Variants in NRBP1 observed in about 807,000 individuals in gnomAD.
NRBP1 encodes the protein nuclear receptor-binding protein.
A neutral mutation model predicts 76.0 loss-of-function variants in NRBP1; 10 were observed. The ratio of observed to expected loss-of-function variants is 0.13; its 90% CI spans 0.08 to 0.22. The LOEUF is 0.22. Ranked by LOEUF, NRBP1 falls within the 10% of genes least tolerant of loss-of-function variation. The probability of loss-of-function intolerance (pLI) is 1.00; values close to 1 mark genes in which losing one functional copy is unlikely to be tolerated. For synonymous variants in NRBP1, 235 were observed against 240.2 expected (o/e 0.98, Z 0.20); for missense variants, 344 against 646.0 (o/e 0.53, Z 5.07).
At position 27,433,240 on chromosome 2, in the gene NRBP1, C is replaced by A; in HGVS notation, c.-20-14C>A. On this transcript the variant is annotated splice_polypyrimidine_tract_variant and intron_variant, in intron 1 of 17. Coordinates refer to ENST00000379852, the MANE Select transcript of NRBP1 (RefSeq NM_013392.4). ...CTCTGCCTTTTCCCTCTGTATTTGC[C>A]CCAACCAGTGCAGGCCTGAGTGTTC... 2 of 1,576,320 alleles carry A rather than the reference C, an allele frequency of 1.3e-6. No homozygotes were observed. The highest frequency in any genetic ancestry group is 2.2e-5 in the South Asian group (2 of 90,282).
chr2:27,428,948 T>G (rs1663985724), intron 1 of NRBP1, among the ~76,000 whole-genome samples: 1 of 146,098 alleles, frequency 6.8e-6, no homozygotes, highest in African/African-American at 2.5e-5. Flanking sequence ...GTCTCTGGCT[T>G]GGCGGCGGCG....
intron 1 of NRBP1, among the ~76,000 whole-genome samples, chr2:27,431,431 G>C (rs999901437): frequency 2.6e-5 from 4 of 152,204 alleles, no homozygotes; most frequent in Non-Finnish European, 4.4e-5. Context: ...ATTTGTGGCT[G>C]CTTGAATGTG....
At chr2:27,436,891 T>C (rs780068419) in intron 8 of NRBP1, 55 bp downstream of exon 8, 22 of 1,515,776 alleles carry the variant, frequency 1.5e-5, no homozygotes, top group African/African-American at 1.4e-4. Flanking sequence ...TTGCACCTTA[T>C]AACTTGAGGT....
intron 7 of NRBP1, chr2:27,435,900 C>T (rs1439113214): frequency 6.0e-6 from 4 of 667,364 alleles, no homozygotes; most frequent in Non-Finnish European, 1.1e-5. Flanking sequence ...CAGCCCTCCG[C>T]CTGCTTGCCC....
chr2:27,441,183 A>G lies in NRBP1; in HGVS notation c.1383+3A>G. On this transcript the variant is annotated splice_donor_region_variant and intron_variant, in intron 15 of 17. Transcript: ENST00000379852. ...TGGAGGAGGGAGTCAAACACCACGTAAGGCTCAGGGCTAGGGTTGCGCAGG... is the reference window on the plus strand; with the variant it reads ...TGGAGGAGGGAGTCAAACACCACGTGAGGCTCAGGGCTAGGGTTGCGCAGG... The G allele has an allele frequency of 1.9e-6, 3 of 1,614,076 alleles. No individual in the cohort carries two copies. Among genetic ancestry groups the G allele is most frequent in the Non-Finnish European group, 1.7e-6 (2 of 1,179,994 alleles).
At position 27,440,799 on chromosome 2, in the gene NRBP1, C is replaced by T. The variant is rs756721596; in HGVS notation, c.1194-6C>T. 5.0e-6 allele frequency: 8 copies of T among 1,614,002 alleles called. No homozygotes were observed. In the African/African-American group the frequency reaches 6.7e-5, roughly 13 times the overall value. On this transcript the variant is annotated splice_region_variant and splice_polypyrimidine_tract_variant and intron_variant, in intron 13 of 17. Transcript: ENST00000379852. Reference sequence around the variant, plus strand: ...GCCCATGTGACCTGTCTTCATCTCCCTCCAGGAATGGGATCTATCCTCTGA... The same window carrying T: ...GCCCATGTGACCTGTCTTCATCTCCTTCCAGGAATGGGATCTATCCTCTGA...
At chr2:27,438,113 G>A (rs1664384765) in intron 10 of NRBP1, among the ~76,000 whole-genome samples, 1 of 150,130 alleles carries the variant, frequency 6.7e-6, no homozygotes, top group African/African-American at 2.5e-5. Flanking sequence ...CCGGGAGGCG[G>A]AGATTGCAGT....
chr2:27,435,288 A>C (rs974589100), intron 7 of NRBP1, 61 bp downstream of exon 7: 56 of 1,431,218 alleles, frequency 3.9e-5, no homozygotes, highest in Non-Finnish European at 6.9e-6. Context: ...CATGGGGGTA[A>C]GATGAAAGGA....
intron 10 of NRBP1, among the ~76,000 whole-genome samples, chr2:27,437,695 C>T (rs1664363181): frequency 1.3e-5 from 2 of 151,496 alleles, no homozygotes; most frequent in Admixed American, 1.3e-4. Context: ...CATGGTGAAA[C>T]CCTGTCTCTA....
At chr2:27,429,139 G>C (rs1412729478) in intron 1 of NRBP1, 2 of 153,562 alleles carry the variant, frequency 1.3e-5, no homozygotes, top group East Asian at 1.9e-4. Context: ...CTGCGCGGGG[G>C]CGTGGCCTGC....
intron 3 of NRBP1, 81 bp downstream of exon 3, chr2:27,433,876 G>A (rs1664202039): frequency 4.4e-6 from 7 of 1,607,496 alleles, no homozygotes; most frequent in Admixed American, 1.7e-5. Context: ...GAAGCTGCCC[G>A]TGAGGAGAGT....
rs1664583241 is a variant in NRBP1 at position 27,441,786 on chromosome 2, T to C, written c.1582T>C (p.Ser528Pro). The change falls in exon 18 of 18, where the codon TCA (serine) becomes CCA (proline). Residue 528 changes from serine (S) to proline (P), a missense_variant. Ser to Pro is a moderately conservative substitution (Grantham distance 74, BLOSUM62 -1). Around this residue, in one of 3 missense-constraint regions of NRBP1, gnomAD observed 218 missense variants for 309.8 expected, o/e 0.70. Transcript: ENST00000379852. ...TTTTGCCAGGAACAGTACCCTCAAC[T>C]CAGCCGCTGTCACCGTCTCCTCTTA... ...FNFARNSTLNSAAVTVSS is the reference protein window; with the variant it reads ...FNFARNSTLNPAAVTVSS The C allele has an allele frequency of 6.2e-7, 1 of 1,612,988 alleles. No homozygotes were observed. The highest frequency in any genetic ancestry group is 1.3e-5 in the African/African-American group (1 of 74,892).
chr2:27,429,060 C>T (rs186893181), intron 1 of NRBP1: 3,241 of 178,898 alleles, frequency 0.018, 133 homozygotes, highest in African/African-American at 0.073. Flanking sequence ...GCGGGGGCGG[C>T]GGTCGCGGCC....
At position 27,440,758 on chromosome 2, in the gene NRBP1, C is replaced by T. The variant is rs774636673; in HGVS notation, c.1194-47C>T. 3.1e-6 allele frequency: 5 copies of T among 1,613,938 alleles called. No homozygotes were observed. In the African/African-American group the frequency reaches 6.7e-5, roughly 22 times the overall value. ...GAGGAAGCAGGCGGGGTTGGGTATC[C>T]TAAGGCGTTCACAGAGCCCATGTGA... On this transcript the variant is annotated intron_variant, in intron 13 of 17. Transcript: ENST00000379852.
At chr2:27,437,797 C>T (rs1256584774) in intron 10 of NRBP1, among the ~76,000 whole-genome samples, 3 of 151,718 alleles carry the variant, frequency 2.0e-5, no homozygotes, top group Admixed American at 6.6e-5. Context: ...GGCATGAACC[C>T]GGGAGGCAAA....
In NRBP1 at chr2:27,428,642, G is replaced by T. The variant is rs563194121; in HGVS notation, c.-110G>T. 8 of 398,086 alleles carry T rather than the reference G, an allele frequency of 2.0e-5. No individual in the cohort carries two copies. The highest frequency in any genetic ancestry group is 1.4e-4 in the African/African-American group (7 of 48,736). 24.7% of individuals were successfully genotyped at this position (398,086 alleles called of 1,614,324 possible). A position where few individuals can be genotyped will look rare whatever the true frequency, so the allele number is the denominator to read the frequency against. The stretch of plus-strand genomic sequence containing the variant: ...GGGGCCCGCAGTTCGGTTGCGCTGC[G>T]GAGCGCAGCTGTGAGGGAGTCGCTG... On this transcript the variant is annotated 5_prime_UTR_variant, in exon 1 of 18. Coordinates refer to ENST00000379852, the MANE Select transcript of NRBP1 (RefSeq NM_013392.4).
rs773699029 is a variant in NRBP1, at chr2:27,441,304, G to A, written c.1421G>A (p.Arg474Gln). 4.3e-6 allele frequency: 7 copies of A among 1,613,982 alleles called. No homozygotes were observed. The highest frequency in any genetic ancestry group is 1.1e-5 in the South Asian group (1 of 91,074). Residue 474 changes from arginine (R) to glutamine (Q), a missense_variant, in exon 16 of 18, where the codon CGG becomes CAG. Coordinates refer to ENST00000379852, the MANE Select transcript of NRBP1 (RefSeq NM_013392.4). ...CTGAAGTTGGAGGACAAACTGAACC[G>A]GCACCTGAGCTGTGACCTGATGCCA... ...LLLKLEDKLN[R>Q]HLSCDLMPNE... is the part of the protein sequence containing the mutation.
At chr2:27,428,561 T>C (rs1663955139), upstream of NRBP1, 1 of 395,208 alleles carries the variant, frequency 2.5e-6, no homozygotes, top group Non-Finnish European at 4.5e-6. Flanking sequence ...CGTCACCCAA[T>C]GGAAACCTGC....
chr2:27,440,712 G>T lies in NRBP1; in HGVS notation c.1193+10G>T. On this transcript the variant is annotated intron_variant, in intron 13 of 17. Transcript: ENST00000379852. ...TCCTTGAAGATGTCAGGTGAGAGCA[G>T]AGTGAGAAGCAGGCTTTCTTGAGGA... The T allele has an allele frequency of 6.2e-7, 1 of 1,614,144 alleles. No individual in the cohort carries two copies. Among genetic ancestry groups the T allele is most frequent in the South Asian group, 1.1e-5 (1 of 91,080 alleles).
Sources: gnomAD v4.1 joint callset for allele counts (sites outside exome capture counted in the v4.1 genomes callset) on GRCh38, gnomAD v4.1.1 for gene constraint, gnomAD v4.1.1 regional missense constraint, MANE v1.5 for transcripts, NCBI Gene and HGNC (gene_info 2026-07-23, HGNC 2026-07-21) for gene names.